The following SPTBN5 variants were observed in gnomAD, a reference collection of about 807,000 sequenced individuals.
SPTBN5 encodes the protein spectrin beta chain, non-erythrocytic 5.
A neutral mutation model predicts 477.6 loss-of-function variants in SPTBN5; 513 were observed. That is an observed-to-expected ratio of 1.07 (90% CI 1.00 to 1.16). SPTBN5 has a LOEUF of 1.16. Ranked by LOEUF, SPTBN5 falls within the 50% of genes most tolerant of loss-of-function variation. The pLI is 0.00. For synonymous variants in SPTBN5, 2,169 were observed against 2,011.7 expected (o/e 1.08, Z -2.09); for missense variants, 5,062 against 4,731.8 (o/e 1.07, Z -2.05).
In SPTBN5 at chr15:41,883,378, C is replaced by T; in HGVS notation, c.1629G>A (p.Glu543=). ...QAVLSLLQEV[E]AASHQLEELQ... Reference sequence around the variant, plus strand: ...GCTCCTCCAGCTGGTGGGAGGCAGCCTCCACCTCCTGCAGCAGGCTCAGCA... The same window carrying T: ...GCTCCTCCAGCTGGTGGGAGGCAGCTTCCACCTCCTGCAGCAGGCTCAGCA... The change falls in exon 8 of 68, where the codon GAG becomes GAA. Residue 543 remains glutamate, a synonymous_variant. Transcript: ENST00000320955. 1.2e-6 allele frequency: 2 copies of T among 1,613,714 alleles called. No individual in the cohort carries two copies. Among genetic ancestry groups the T allele is most frequent in the South Asian group, 1.1e-5 (1 of 91,086 alleles).
rs374918266 is a variant in SPTBN5, at chr15:41,853,699, C to T, written c.9863G>A (p.Gly3288Asp). The T allele has an allele frequency of 6.3e-6, 10 of 1,596,944 alleles. No homozygotes were observed. The African/African-American group carries it at 9.4e-5, about 15-fold the overall frequency. Residue 3288 changes from glycine to aspartate, a missense_variant, in exon 58 of 68, where the codon GGC becomes GAC. By Grantham distance (94) the Gly-to-Asp change is moderately conservative (BLOSUM62 -1). Coordinates refer to ENST00000320955, the MANE Select transcript of SPTBN5 (RefSeq NM_016642.4). ...CCAGGCCTCCTGCACCTTGGCCAGG[C>T]CCCCCGGAGCTGCAGGATGTAGCTG... The part of the protein sequence containing the change: ...LGQLHPAAPG[G>D]LAKVQEAWAT...
chr15:41,856,339 C>T lies in SPTBN5; in HGVS notation c.9021+47G>A, dbSNP rs1451625553. 4 of 1,476,376 alleles carry T rather than the reference C, an allele frequency of 2.7e-6. No individual in the cohort carries two copies. In the African/African-American group the frequency reaches 5.7e-5, roughly 21 times the overall value. 91.5% of individuals were successfully genotyped at this position (1,476,376 alleles called of 1,614,324 possible). A position where few individuals can be genotyped will look rare whatever the true frequency, so the allele number is the denominator to read the frequency against. On this transcript the variant is annotated intron_variant, in intron 53 of 67. Transcript: ENST00000320955. ...GAGTGACCTCCCAGCCGCACTCGCC[C>T]TGTGTTCCAGGCTTGCCTGCTGTGC... is the stretch of plus-strand genomic sequence containing the variant.
chr15:41,893,012 T>C lies in SPTBN5; in HGVS notation c.266A>G (p.His89Arg), dbSNP rs551427683. 5 of 1,610,474 alleles carry C rather than the reference T, an allele frequency of 3.1e-6. No individual in the cohort carries two copies. The highest frequency in any genetic ancestry group is 4.2e-6 in the Non-Finnish European group (5 of 1,179,614). ...NLYTELADGIHLLRLLELISG... is the reference protein window; with the variant it reads ...NLYTELADGIRLLRLLELISG... The stretch of plus-strand genomic sequence containing the variant: ...GATGAGCTCCAGCAGCCGCAGGAGG[T>C]GGATGCCGTCAGCCAGCTCTGTGTA... The change falls in exon 3 of 68, where the codon CAC (histidine) becomes CGC (arginine). Residue 89 changes from histidine to arginine, a missense_variant. His to Arg is a conservative substitution (Grantham distance 29). Coordinates refer to ENST00000320955, the MANE Select transcript of SPTBN5 (RefSeq NM_016642.4).
chr15:41,862,021 A>C, intron 44 of SPTBN5, 98 bp from the exon 45 acceptor site: 1 of 1,521,216 alleles, frequency 6.6e-7, no homozygotes, highest in Non-Finnish European at 8.8e-7. Flanking sequence ...GCTGGAGGAG[A>C]TAGGCAGGGC....
In SPTBN5 at chr15:41,879,790, C is replaced by G; in HGVS notation, c.2886G>C (p.Gln962His). 1.2e-6 allele frequency: 2 copies of G among 1,614,054 alleles called. No homozygotes were observed. The highest frequency in any genetic ancestry group is 1.3e-5 in the African/African-American group (1 of 75,056). Residue 962 changes from glutamine to histidine, a missense_variant, in exon 15 of 68, where the codon CAG becomes CAC. Physicochemically the swap from Gln to His is conservative, Grantham distance 24. Transcript: ENST00000320955. ...TTTGTGTGGAGTTCCCAGGATATCT[C>G]TGCCTCAGTTGCTCAGCAGAGCTGC... is the stretch of plus-strand genomic sequence containing the variant. ...EVSSSAEQLR[Q>H]RYPGNSTQIQ...
chr15:41,892,504 G>T lies in SPTBN5; in HGVS notation c.384+390C>A, dbSNP rs952728172. Among the ~76,000 whole-genome samples, 4 of 152,268 alleles carry T rather than the reference G, an allele frequency of 2.6e-5. No individual in the cohort carries two copies. In the East Asian group the frequency reaches 7.7e-4, roughly 29 times the overall value. ...CCTGCCGTCTTAGTCCCACATCTGG[G>T]CTCTGTTGGCTGGTTAACCATCGAT... On this transcript the variant is annotated intron_variant, in intron 3 of 67. Transcript: ENST00000320955.
rs988894613 is a variant in SPTBN5, at chr15:41,856,796, C to A, written c.8808+57G>T. The A allele has an allele frequency of 3.4e-6, 5 of 1,489,438 alleles. No homozygotes were observed. The Middle Eastern group carries it at 8.0e-4, about 239-fold the overall frequency. 92.3% of individuals were successfully genotyped at this position (1,489,438 alleles called of 1,614,324 possible). ...GCTGGGCCACAGAGAGTGCCATTTC[C>A]TTGGCTGAGAAGCCCTGCTCATGTG... On this transcript the variant is annotated intron_variant, in intron 52 of 67. Transcript: ENST00000320955.
chr15:41,862,178 G>A lies in SPTBN5; in HGVS notation c.7500C>T (p.Arg2500=). 1.2e-6 allele frequency: 2 copies of A among 1,607,620 alleles called. No individual in the cohort carries two copies. The highest frequency in any genetic ancestry group is 8.5e-7 in the Non-Finnish European group (1 of 1,176,584). The change falls in exon 44 of 68, where the codon CGC becomes CGT. Residue 2500 remains arginine (R), a synonymous_variant. Coordinates refer to ENST00000320955, the MANE Select transcript of SPTBN5 (RefSeq NM_016642.4). Reference sequence around the variant, plus strand: ...ACATACGCCGGGCTTCCACAGGGCTGCGAGGAGCGGGGCTCGTGTCCATCT... The same window carrying A: ...ACATACGCCGGGCTTCCACAGGGCTACGAGGAGCGGGGCTCGTGTCCATCT... The part of the protein sequence containing the change: ...RAQMDTSPAP[R]SPVEARRMLE...
At chr15:41,860,454 A>T in intron 47 of SPTBN5, 132 bp downstream of exon 47, 1 of 1,036,740 alleles carries the variant, frequency 9.6e-7, no homozygotes, top group Non-Finnish European at 1.3e-6. Flanking sequence ...GACCCCCGGC[A>T]TCTGACCTCA....
At chr15:41,893,718 C>G (rs992501478) in intron 1 of SPTBN5, 172 bp from the exon 2 acceptor site, 2 of 763,078 alleles carry the variant, frequency 2.6e-6, no homozygotes, top group Non-Finnish European at 4.1e-6. Context: ...CCCAGGGCCC[C>G]CTTTGCCCCA....
At position 41,874,042 on chromosome 15, in the gene SPTBN5, G is replaced by C; in HGVS notation, c.4693C>G (p.Leu1565Val). Residue 1565 changes from leucine (L) to valine (V), a missense_variant, in exon 25 of 68, where the codon CTC (leucine) becomes GTC (valine). Transcript: ENST00000320955. ...AQSLHRKHKE[L>V]QVEVKAHQGQ... ...TGGTGAGCTTTTACCTCCACCTGGA[G>C]CTCCTGCCACAGAGTGGCTTGAGAG... is the stretch of plus-strand genomic sequence containing the variant. 1 of 1,591,072 alleles carries C rather than the reference G, an allele frequency of 6.3e-7. No homozygotes were observed. The highest frequency in any genetic ancestry group is 1.1e-5 in the South Asian group (1 of 90,106).
In SPTBN5 at chr15:41,875,490, CA is replaced by C; in HGVS notation, c.4254del (p.Gly1419AspfsTer7). ...TGCCTCAGGAGTTGCTCCTGCTGTC[CA>C]GCCTGCTGGAGCTCGTCCCCACGCT... ...MTERGDELQQ[A>X]GQQEQLLRQL... On this transcript the variant is annotated frameshift_variant, in exon 22 of 68. Transcript: ENST00000320955. LOFTEE classifies it high-confidence loss of function. 1 of 1,612,602 alleles carries C rather than the reference CA, an allele frequency of 6.2e-7. No homozygotes were observed. The highest frequency in any genetic ancestry group is 1.7e-5 in the Admixed American group (1 of 59,882).
Position 41,850,944 on chromosome 15 carries a change from C to T in SPTBN5, c.10836-5G>A, listed in dbSNP as rs1025572084. The T allele has an allele frequency of 1.6e-5, 25 of 1,560,008 alleles. No homozygotes were observed. The African/African-American group carries it at 2.1e-4, about 13-fold the overall frequency. ...ATCTCTGCCCCACTGGTCAGCCTGG[C>T]ACCCACAGTCACAGGTCAAACTCCA... On this transcript the variant is annotated splice_polypyrimidine_tract_variant and splice_region_variant and intron_variant, in intron 65 of 67. Transcript: ENST00000320955.
In SPTBN5 at chr15:41,880,219, G is replaced by A. The variant is rs968864282; in HGVS notation, c.2752C>T (p.Leu918=). The change falls in exon 14 of 68, where the codon CTG becomes TTG. Residue 918 remains leucine (L), a synonymous_variant. Transcript: ENST00000320955. ...GCCTGGGGCTGCACCCTTTGGAGCA[G>A]CACTGTCTGCTTCTCCAGCCACAAC... ...LQLWLEKQTV[L]LQRVQPQADT... is the part of the protein sequence containing the mutation. The A allele has an allele frequency of 5.6e-6, 9 of 1,603,434 alleles. No homozygotes were observed. The African/African-American group carries it at 1.2e-4, about 21-fold the overall frequency.
At chr15:41,873,722 C>A in intron 25 of SPTBN5, 114 bp from the exon 26 acceptor site, 1 of 1,470,884 alleles carries the variant, frequency 6.8e-7, no homozygotes, top group African/African-American at 1.4e-5. Context: ...CCCATAGGGG[C>A]ACCCATCAGC....
At chr15:41,849,718 T>A (rs1264527891) in intron 67 of SPTBN5, 151 bp downstream of exon 67, 7 of 632,380 alleles carry the variant, frequency 1.1e-5, no homozygotes, top group African/African-American at 1.8e-5. Flanking sequence ...CAGCTGAGAG[T>A]GGGCAGGGGC....
chr15:41,876,296 C>T lies in SPTBN5; in HGVS notation c.3952-12G>A, dbSNP rs1337023335. 6 of 1,543,196 alleles carry T rather than the reference C, an allele frequency of 3.9e-6. No individual in the cohort carries two copies. The African/African-American group carries it at 8.1e-5, about 21-fold the overall frequency. ...TCCTGCTTCCACTCCTGCCAAGAAC[C>T]AGGCGAGAGTGGGTCTCAGAGCACG... On this transcript the variant is annotated splice_polypyrimidine_tract_variant and intron_variant, in intron 20 of 67. Coordinates refer to ENST00000320955, the MANE Select transcript of SPTBN5 (RefSeq NM_016642.4).
chr15:41,861,465 C>T lies in SPTBN5; in HGVS notation c.7769G>A (p.Arg2590His), dbSNP rs773933741. 40 of 1,613,654 alleles carry T rather than the reference C, an allele frequency of 2.5e-5. No individual in the cohort carries two copies. The highest frequency in any genetic ancestry group is 2.9e-5 in the Non-Finnish European group (34 of 1,179,898). The change falls in exon 46 of 68, where the codon CGT becomes CAT. Residue 2590 changes from arginine to histidine, a missense_variant. Coordinates refer to ENST00000320955, the MANE Select transcript of SPTBN5 (RefSeq NM_016642.4). ...GGAGTCTTCCTTGCTGCAAAGCCAA[C>T]GTTCCATCTTCTCCACTGAGCTCAG... ...LFLSSVEKME[R>H]WLCSKEDSLA...
At chr15:41,868,032 G>A in intron 34 of SPTBN5, 37 bp downstream of exon 34, 1 of 1,568,618 alleles carries the variant, frequency 6.4e-7, no homozygotes, top group Non-Finnish European at 8.6e-7. Context: ...GGAGGAGCAG[G>A]AGGCTGAGCG....
Sources: allele counts gnomAD v4.1 joint callset (sites outside exome capture counted in the v4.1 genomes callset), GRCh38; gene constraint gnomAD v4.1.1; transcripts MANE v1.5; gene names NCBI Gene and HGNC (gene_info 2026-07-23, HGNC 2026-07-21).